Variants in GABRG3 observed in about 807,000 individuals in gnomAD.
GABRG3 encodes gamma-aminobutyric acid type A receptor subunit gamma3.
In GABRG3, 25 loss-of-function variants were observed where a neutral mutation model predicts 48.8. The ratio of observed to expected loss-of-function variants is 0.51; its 90% CI spans 0.37 to 0.72. The LOEUF is 0.72. Ranked by LOEUF, GABRG3 falls within the 30% of genes least tolerant of loss-of-function variation. The probability of loss-of-function intolerance (pLI) is 0.00; values close to 1 mark genes in which losing one functional copy is unlikely to be tolerated. For synonymous variants in GABRG3, 227 were observed against 217.6 expected (o/e 1.04, Z -0.38); for missense variants, 394 against 577.9 (o/e 0.68, Z 3.26).
At chr15:27,065,053 G>T (rs925438587) in intron 3 of GABRG3, among the ~76,000 whole-genome samples, 4 of 152,146 alleles carry the variant, frequency 2.6e-5, no homozygotes, top group African/African-American at 4.8e-5. Flanking sequence ...GCCGTGTGGT[G>T]GGCTCCTGCA....
intron 3 of GABRG3, among the ~76,000 whole-genome samples, chr15:27,159,220 G>A (rs906361440): frequency 4.6e-5 from 7 of 152,030 alleles, no homozygotes; most frequent in African/African-American, 1.2e-4. Flanking sequence ...GGTGGTTCAC[G>A]CCTATAATCC....
At chr15:27,131,797 A>G (rs1395925034) in intron 3 of GABRG3, among the ~76,000 whole-genome samples, 2 of 151,760 alleles carry the variant, frequency 1.3e-5, no homozygotes, top group East Asian at 3.9e-4. Flanking sequence ...CATCCTCACC[A>G]GTGTTTGTTA....
chr15:27,058,500 A>C (rs1025556387), intron 3 of GABRG3, among the ~76,000 whole-genome samples: 1 of 152,140 alleles, frequency 6.6e-6, no homozygotes, highest in African/African-American at 2.4e-5. Context: ...GAAATGAGCT[A>C]TTTCTTGCTC....
At position 26,971,423 on chromosome 15, in the gene GABRG3, C is replaced by T. The variant is rs1834912537; in HGVS notation, c.-113C>T. ...AGATACCTGTCCCGCCCGCCGCGGCCAGCAGCCTCGGAGGAAGCCAGGGCA... is the reference window on the plus strand; with the variant it reads ...AGATACCTGTCCCGCCCGCCGCGGCTAGCAGCCTCGGAGGAAGCCAGGGCA... On this transcript the variant is annotated 5_prime_UTR_variant, in exon 1 of 10. Coordinates refer to ENST00000615808, the MANE Select transcript of GABRG3 (RefSeq NM_033223.5). 5.9e-6 allele frequency: 5 copies of T among 848,768 alleles called. No individual in the cohort carries two copies. The highest frequency in any genetic ancestry group is 7.5e-4 in the Middle Eastern group (2 of 2,650). The allele number at this position is 848,768 out of a possible 1,614,324, so 52.6% of individuals were successfully genotyped here.
intron 3 of GABRG3, among the ~76,000 whole-genome samples, chr15:27,163,873 G>T (rs1054793689): frequency 6.6e-6 from 1 of 152,146 alleles, no homozygotes; most frequent in Admixed American, 6.5e-5. Flanking sequence ...GGCAGGGAAC[G>T]TGCAGGTCTT....
intron 3 of GABRG3, among the ~76,000 whole-genome samples, chr15:27,102,080 G>A (rs1255456315): frequency 2.6e-5 from 4 of 152,062 alleles, no homozygotes; most frequent in East Asian, 1.9e-4. Flanking sequence ...ACCAAGCCAC[G>A]CCATCGTGGA....
intron 6 of GABRG3, among the ~76,000 whole-genome samples, chr15:27,484,412 G>A (rs1293859519): frequency 2.0e-5 from 3 of 152,284 alleles, no homozygotes; most frequent in African/African-American, 7.2e-5. Flanking sequence ...GAAACAGGCT[G>A]ATGGCAAGAT....
At position 26,981,330 on chromosome 15, in the gene GABRG3, G is replaced by A. The variant is rs145403804; in HGVS notation, c.202+4180G>A. Reference sequence around the variant, plus strand: ...TGCACATATTCCTATTATATGTTACGGATTTCTAGCCTGATTCCACTATGA... The same window carrying A: ...TGCACATATTCCTATTATATGTTACAGATTTCTAGCCTGATTCCACTATGA... On this transcript the variant is annotated intron_variant, in intron 2 of 9. Coordinates refer to ENST00000615808, the MANE Select transcript of GABRG3 (RefSeq NM_033223.5). Among the ~76,000 whole-genome samples, 8 of 152,174 alleles carry A rather than the reference G, an allele frequency of 5.3e-5. No homozygotes were observed. In the South Asian group the frequency reaches 6.2e-4, roughly 12 times the overall value.
chr15:27,038,064 G>A (rs1306237203), intron 3 of GABRG3, among the ~76,000 whole-genome samples: 7 of 152,230 alleles, frequency 4.6e-5, no homozygotes, highest in Non-Finnish European at 8.8e-5. Context: ...GAGCTGTCCC[G>A]ATCGGGTCCT....
intron 3 of GABRG3, among the ~76,000 whole-genome samples, chr15:27,056,113 G>C (rs1896540758): frequency 6.6e-6 from 1 of 152,022 alleles, no homozygotes; most frequent in Admixed American, 6.5e-5. Flanking sequence ...ACTTTGGGAG[G>C]CTGAGGTGGT....
intron 5 of GABRG3, among the ~76,000 whole-genome samples, chr15:27,423,799 C>T (rs569126504): frequency 7.6e-6 from 1 of 130,960 alleles, no homozygotes; most frequent in East Asian, 2.5e-4. Context: ...AACTCCTGGA[C>T]TCAAGCAATC....
At chr15:27,242,631 T>G (rs1365025404) in intron 3 of GABRG3, among the ~76,000 whole-genome samples, 1 of 152,250 alleles carries the variant, frequency 6.6e-6, no homozygotes, top group Non-Finnish European at 1.5e-5. Context: ...AAACCCATGC[T>G]CAATTTACGT....
At chr15:27,431,301 A>G (rs1434055747) in intron 5 of GABRG3, among the ~76,000 whole-genome samples, 1 of 152,136 alleles carries the variant, frequency 6.6e-6, no homozygotes, top group Non-Finnish European at 1.5e-5. Flanking sequence ...TAAAAATTGC[A>G]TCATTTTTGT....
At chr15:27,351,110 G>A (rs897242866) in intron 5 of GABRG3, among the ~76,000 whole-genome samples, 11 of 148,468 alleles carry the variant, frequency 7.4e-5, no homozygotes, top group African/African-American at 1.2e-4. Context: ...TGTGTGTATG[G>A]TGTGTGTGTA....
intron 5 of GABRG3, among the ~76,000 whole-genome samples, chr15:27,448,218 A>G (rs1889000728): frequency 6.6e-6 from 1 of 152,206 alleles, no homozygotes; most frequent in South Asian, 2.1e-4. Flanking sequence ...AGTGAAGGAA[A>G]GACGATTTTG....
At chr15:27,020,844 T>G (rs1194953325) in intron 2 of GABRG3, among the ~76,000 whole-genome samples, 4 of 152,248 alleles carry the variant, frequency 2.6e-5, no homozygotes, top group Non-Finnish European at 5.9e-5. Flanking sequence ...ATGATTATTT[T>G]TAGGAACATC....
In GABRG3 at chr15:27,290,186, G is replaced by A. The variant is rs149290268; in HGVS notation, c.271-36623G>A. On this transcript the variant is annotated intron_variant, in intron 3 of 9. Transcript: ENST00000615808. ...GATTTTCAGCCATAAAATACATAAA[G>A]TAATATTGGATTATAAGCCAAAATA... 5.3e-3 allele frequency among the ~76,000 whole-genome samples: 805 copies of A among 152,112 alleles called. 5 individuals are homozygous for A. The highest frequency in any genetic ancestry group is 0.018 in the African/African-American group (756 of 41,490).
chr15:27,137,673 C>T (rs1265837568), intron 3 of GABRG3, among the ~76,000 whole-genome samples: 2 of 134,924 alleles, frequency 1.5e-5, no homozygotes, highest in East Asian at 2.0e-4. Flanking sequence ...CCTAACTTAT[C>T]TCTGTTTTCA....
chr15:27,306,866 ACATGTTTATATATAAACATACAAT>A (rs1566769240), intron 3 of GABRG3, among the ~76,000 whole-genome samples: 3 of 95,492 alleles, frequency 3.1e-5, no homozygotes, highest in African/African-American at 1.4e-4. Flanking sequence ...TACAATATAA[ACATGTTTATATATAAACATACAAT>A]ATAAACATGT....
Sources: gnomAD v4.1 joint callset for allele counts (sites outside exome capture counted in the v4.1 genomes callset) on GRCh38, gnomAD v4.1.1 for gene constraint, MANE v1.5 for transcripts, NCBI Gene and HGNC (gene_info 2026-07-23, HGNC 2026-07-21) for gene names.